The following ITPR2 variants were observed in gnomAD, a reference collection of about 807,000 sequenced individuals.
ITPR2 encodes inositol 1,4,5-trisphosphate-gated calcium channel ITPR2.
A neutral mutation model predicts 317.1 loss-of-function variants in ITPR2; 207 were observed. That is an observed-to-expected ratio of 0.65 (90% CI 0.58 to 0.73). The LOEUF is 0.73. ITPR2 is among the 30% of genes least tolerant of loss of function. The probability of loss-of-function intolerance (pLI) is 0.00; values close to 1 mark genes in which losing one functional copy is unlikely to be tolerated. For synonymous variants in ITPR2, 1,156 were observed against 1,149.1 expected, an observed-to-expected ratio of 1.01 and a Z score of -0.12; for missense variants, 2,613 against 3,284.0, an observed-to-expected ratio of 0.80 and a Z score of 4.99.
intron 34 of ITPR2, among the ~76,000 whole-genome samples, chr12:26,567,941 A>ATATATATATTATATATATATATATATAT (rs1301858005): frequency 2.9e-3 from 138 of 47,644 alleles, no homozygotes; most frequent in Admixed American, 4.1e-3. Flanking sequence ...ATTCTGGTAT[A>ATATATATATTATATATATATATATATAT]TATATATATT....
At chr12:26,566,306 G>A (rs528905508) in intron 34 of ITPR2, among the ~76,000 whole-genome samples, 2 of 138,432 alleles carry the variant, frequency 1.4e-5, no homozygotes, top group Non-Finnish European at 3.2e-5. Flanking sequence ...GAGAGGGAGA[G>A]GGAAAAGAAG....
intron 10 of ITPR2, among the ~76,000 whole-genome samples, chr12:26,694,793 T>C (rs1948306636): frequency 6.6e-6 from 1 of 152,206 alleles, no homozygotes; most frequent in Non-Finnish European, 1.5e-5. Flanking sequence ...GAGATCCAAT[T>C]AATCGAATAA....
chr12:26,571,009 G>A (rs945052880), intron 34 of ITPR2, among the ~76,000 whole-genome samples: 1 of 152,012 alleles, frequency 6.6e-6, no homozygotes, highest in Non-Finnish European at 1.5e-5. Context: ...TTCCAGTTAG[G>A]CCCCCTGCAT....
intron 24 of ITPR2, among the ~76,000 whole-genome samples, chr12:26,622,725 A>G (rs1946528579): frequency 6.6e-6 from 1 of 152,180 alleles, no homozygotes; most frequent in Non-Finnish European, 1.5e-5. Flanking sequence ...AAAAGCATTT[A>G]TGGGAGGAGC....
chr12:26,662,768 G>A (rs1947531533), intron 15 of ITPR2, among the ~76,000 whole-genome samples: 1 of 152,078 alleles, frequency 6.6e-6, no homozygotes, highest in South Asian at 2.1e-4. Flanking sequence ...GAACTCCTAG[G>A]CTGAAGTGAT....
chr12:26,763,846 A>T (rs1949676807), intron 2 of ITPR2, among the ~76,000 whole-genome samples: 1 of 152,020 alleles, frequency 6.6e-6, no homozygotes, highest in Admixed American at 6.5e-5. Flanking sequence ...CCAGATCTTT[A>T]CATCTAGCCT....
At chr12:26,671,009 A>G (rs1282171954) in intron 13 of ITPR2, among the ~76,000 whole-genome samples, 2 of 152,054 alleles carry the variant, frequency 1.3e-5, no homozygotes, top group Non-Finnish European at 2.9e-5. Flanking sequence ...AAAAAGAATA[A>G]AAAGAAATGA....
At chr12:26,563,834 A>C (rs1436120138) in intron 34 of ITPR2, among the ~76,000 whole-genome samples, 1 of 152,216 alleles carries the variant, frequency 6.6e-6, no homozygotes. Flanking sequence ...TAGGAAGGAA[A>C]CAGGCCTTTA....
intron 54 of ITPR2, among the ~76,000 whole-genome samples, chr12:26,392,362 A>G (rs925596793): frequency 2.0e-5 from 3 of 152,194 alleles, no homozygotes; most frequent in African/African-American, 7.2e-5. Context: ...ATCATTCGCC[A>G]AATACACCAA....
chr12:26,782,037 TAGAGAGAGAGAGAG>T lies in ITPR2; in HGVS notation c.163+8106_163+8119del, dbSNP rs1177233376. Among the ~76,000 whole-genome samples, 255 of 51,704 alleles carry T rather than the reference TAGAGAGAGAGAGAG, an allele frequency of 4.9e-3. 2 individuals carry two copies. The highest frequency in any genetic ancestry group is 0.013 in the African/African-American group (224 of 17,558). The allele number at this position is 51,704 out of a possible 152,430, so 33.9% of individuals were successfully genotyped here. Reference sequence around the variant, plus strand: ...ATATATATATATATATATATATGTATAGAGAGAGAGAGAGAGAGAGAGAGAGAGAGAGAGAGCGA... The same window carrying T: ...ATATATATATATATATATATATGTATAGAGAGAGAGAGAGAGAGAGAGCGA... On this transcript the variant is annotated intron_variant, in intron 2 of 56. Transcript: ENST00000381340.
chr12:26,428,847 A>T (rs1000966091), intron 48 of ITPR2, among the ~76,000 whole-genome samples: 2 of 152,200 alleles, frequency 1.3e-5, no homozygotes, highest in African/African-American at 4.8e-5. Context: ...CCTGAAGGTC[A>T]TGTGGTGCTG....
intron 52 of ITPR2, among the ~76,000 whole-genome samples, chr12:26,405,939 C>T (rs1940334713): frequency 6.6e-6 from 1 of 152,102 alleles, no homozygotes. Flanking sequence ...GCCTGGATGA[C>T]AGAGCAAGAC....
At position 26,663,939 on chromosome 12, in the gene ITPR2, CTT is replaced by C. The variant is rs1372786067; in HGVS notation, c.1552-95_1552-94del. 4 of 1,174,718 alleles carry C rather than the reference CTT, an allele frequency of 3.4e-6. No individual in the cohort carries two copies. In the Admixed American group the frequency reaches 1.0e-4, roughly 29 times the overall value. 72.8% of individuals were successfully genotyped at this position (1,174,718 alleles called of 1,614,324 possible). A position where few individuals can be genotyped will look rare whatever the true frequency, so the allele number is the denominator to read the frequency against. On this transcript the variant is annotated intron_variant, in intron 14 of 56. Coordinates refer to ENST00000381340, the MANE Select transcript of ITPR2 (RefSeq NM_002223.4). Reference sequence around the variant, plus strand: ...AATAAGAACATTGATTCAAAAAACACTTATATAAATTTGAGTATTAGAGTAAA... The same window carrying C: ...AATAAGAACATTGATTCAAAAAACACATATAAATTTGAGTATTAGAGTAAA...
intron 13 of ITPR2, among the ~76,000 whole-genome samples, chr12:26,672,671 G>A (rs2136941283): frequency 6.6e-6 from 1 of 151,916 alleles, no homozygotes; most frequent in Admixed American, 6.6e-5. Context: ...ACATTCAAAA[G>A]CTAGCAGAAG....
chr12:26,440,537 C>T (rs117292032), intron 46 of ITPR2, among the ~76,000 whole-genome samples: 16 of 152,194 alleles, frequency 1.1e-4, no homozygotes, highest in Non-Finnish European at 2.1e-4. Context: ...CTGTGGTATT[C>T]TATTAATCTT....
At chr12:26,794,755 C>T (rs1294381823) in intron 1 of ITPR2, among the ~76,000 whole-genome samples, 2 of 152,146 alleles carry the variant, frequency 1.3e-5, no homozygotes, top group Non-Finnish European at 2.9e-5. Flanking sequence ...AACAATTTTG[C>T]AAAATATTTT....
At chr12:26,341,745 G>A (rs1270685148) in intron 55 of ITPR2, among the ~76,000 whole-genome samples, 2 of 152,230 alleles carry the variant, frequency 1.3e-5, no homozygotes, top group Non-Finnish European at 2.9e-5. Context: ...AGGGGTGAAA[G>A]TCAGATAAGA....
At chr12:26,367,481 GA>G (rs10572447) in intron 55 of ITPR2, among the ~76,000 whole-genome samples, 91,201 of 151,658 alleles carry the variant, frequency 0.6, 27,390 homozygotes, top group Admixed American at 0.63. Flanking sequence ...AATCACTGAG[GA>G]AAAAAAAACC....
chr12:26,341,473 G>C (rs1344990682), intron 55 of ITPR2, among the ~76,000 whole-genome samples: 2 of 152,182 alleles, frequency 1.3e-5, no homozygotes, highest in African/African-American at 2.4e-5. Context: ...CTAGACTGCA[G>C]GCTCAATCTT....
Sources: allele counts gnomAD v4.1 joint callset (sites outside exome capture counted in the v4.1 genomes callset), GRCh38; gene constraint gnomAD v4.1.1; transcripts MANE v1.5; gene names NCBI Gene and HGNC (gene_info 2026-07-23, HGNC 2026-07-21).